Variants in RASA2 observed in about 807,000 individuals in gnomAD.
RASA2 encodes RAS p21 protein activator 2.
Under a neutral mutation model 118.2 loss-of-function variants are expected in RASA2, and 155 were observed. The ratio of observed to expected loss-of-function variants is 1.31; its 90% CI spans 1.15 to 1.50. RASA2 has a LOEUF of 1.50. Among genes scored for constraint, RASA2 ranks in the 40% most tolerant of loss-of-function variants. The probability of loss-of-function intolerance (pLI) is 0.00; values close to 1 mark genes in which losing one functional copy is unlikely to be tolerated. For synonymous variants in RASA2, 353 were observed against 349.1 expected (o/e 1.01, Z -0.12); for missense variants, 1,016 against 1,009.6 (o/e 1.01, Z -0.09).
chr3:141,496,208 A>G (rs2081699927), intron 1 of RASA2, among the ~76,000 whole-genome samples: 1 of 152,214 alleles, frequency 6.6e-6, no homozygotes, highest in Non-Finnish European at 1.5e-5. Context: ...CTAAAACCGT[A>G]AAAACCCTAG....
At chr3:141,552,595 A>C (rs565951733) in intron 5 of RASA2, among the ~76,000 whole-genome samples, 1 of 152,336 alleles carries the variant, frequency 6.6e-6, no homozygotes, top group African/African-American at 2.4e-5. Context: ...GAGAAGGGTA[A>C]GTTTTAAGCA....
intron 4 of RASA2, among the ~76,000 whole-genome samples, chr3:141,534,467 C>T (rs2082300761): frequency 6.6e-6 from 1 of 152,156 alleles, no homozygotes; most frequent in South Asian, 2.1e-4. Flanking sequence ...CTTGTCCAAG[C>T]AGTAAATCCA....
rs78545255 is a variant in RASA2, at chr3:141,542,796, T to C, written c.527+2187T>C. On this transcript the variant is annotated intron_variant, in intron 5 of 23. Transcript: ENST00000286364. ...TTTATAGTCATAACCACTCCTCTCT[T>C]CTAACCCTTGGCAACCTCTAATCTG... Among the ~76,000 whole-genome samples the C allele has an allele frequency of 1.2e-4, 19 of 152,278 alleles. No individual in the cohort carries two copies. In the East Asian group the frequency reaches 3.7e-3, roughly 29 times the overall value.
At chr3:141,553,164 G>C (rs1256268077) in intron 5 of RASA2, among the ~76,000 whole-genome samples, 1 of 152,140 alleles carries the variant, frequency 6.6e-6, no homozygotes, top group African/African-American at 2.4e-5. Flanking sequence ...TTATGAATCA[G>C]ATTTTTAAGT....
intron 9 of RASA2, among the ~76,000 whole-genome samples, chr3:141,570,296 A>G (rs1436279221): frequency 6.6e-6 from 1 of 151,438 alleles, no homozygotes; most frequent in East Asian, 1.9e-4. Flanking sequence ...ATCTCAGCTC[A>G]CTGCAACTCC....
chr3:141,571,630 G>A, intron 11 of RASA2, 76 bp downstream of exon 11: 1 of 1,444,338 alleles, frequency 6.9e-7, no homozygotes, highest in East Asian at 2.4e-5. Context: ...TGATTTTGTA[G>A]TCTGAATTTT....
intron 22 of RASA2, 130 bp from the exon 23 acceptor site, chr3:141,609,747 T>G (rs1020698037): frequency 7.0e-6 from 6 of 858,636 alleles, no homozygotes; most frequent in Non-Finnish European, 8.6e-6. Context: ...TGTATATATT[T>G]TAGTTATCTC....
chr3:141,599,042 C>T (rs776786020), intron 19 of RASA2, among the ~76,000 whole-genome samples: 19 of 152,102 alleles, frequency 1.2e-4, no homozygotes, highest in Middle Eastern at 3.4e-3. Flanking sequence ...GAGCCGAGAT[C>T]GCGCCACTGC....
At chr3:141,570,306 C>T (rs1005916480) in intron 9 of RASA2, among the ~76,000 whole-genome samples, 4 of 151,918 alleles carry the variant, frequency 2.6e-5, no homozygotes, top group African/African-American at 7.3e-5. Context: ...ACTGCAACTC[C>T]GCCTCCTGAG....
rs771121510 is a variant in RASA2 at position 141,487,133 on chromosome 3, C to A, written c.50C>A (p.Ala17Glu). 2.1e-6 allele frequency: 3 copies of A among 1,445,202 alleles called. No homozygotes were observed. In the South Asian group the frequency reaches 4.0e-5, roughly 19 times the overall value. The allele number at this position is 1,445,202 out of a possible 1,614,324, so 89.5% of individuals were successfully genotyped here. Reference protein sequence around the residue: ...AAAAASSEAPAASATAEPEAG... With the variant: ...AAAAASSEAPEASATAEPEAG... ...GCGGCGGCTTCTTCCGAGGCGCCAG[C>A]GGCGAGTGCGACTGCAGAGCCCGAG... The change falls in exon 1 of 24, where the codon GCG becomes GAG. Residue 17 changes from alanine to glutamate, a missense_variant. Around this residue, in one of 2 missense-constraint regions of RASA2, gnomAD observed 896 missense variants for 836.4 expected, o/e 1.07. Coordinates refer to ENST00000286364, the MANE Select transcript of RASA2 (RefSeq NM_006506.5).
chr3:141,582,734 G>T (rs756325895), intron 17 of RASA2, among the ~76,000 whole-genome samples: 3 of 152,150 alleles, frequency 2.0e-5, no homozygotes, highest in Non-Finnish European at 4.4e-5. Flanking sequence ...TTATTTAGTA[G>T]TTACAACAAG....
At chr3:141,535,477 A>G (rs2082314527) in intron 4 of RASA2, among the ~76,000 whole-genome samples, 1 of 152,224 alleles carries the variant, frequency 6.6e-6, no homozygotes, top group Non-Finnish European at 1.5e-5. Flanking sequence ...AAGTGCATGT[A>G]TTATGTTTTG....
intron 5 of RASA2, among the ~76,000 whole-genome samples, chr3:141,552,720 T>C (rs540212288): frequency 2.0e-5 from 3 of 152,298 alleles, no homozygotes; most frequent in Admixed American, 6.5e-5. Flanking sequence ...TTTTTTATGC[T>C]CAGCTATAAT....
At chr3:141,511,129 GGGA>G (rs1473569001) in intron 1 of RASA2, among the ~76,000 whole-genome samples, 1 of 152,112 alleles carries the variant, frequency 6.6e-6, no homozygotes, top group African/African-American at 2.4e-5. Context: ...GACTGGGTAT[GGGA>G]GTTTGGGGAA....
chr3:141,488,279 T>A lies in RASA2; in HGVS notation c.133+1063T>A, dbSNP rs149669751. Reference sequence around the variant, plus strand: ...TCGAAAATTAGCATTATTTTCTTCATGCAGTATTCTCAGATTGGAAACATG... The same window carrying A: ...TCGAAAATTAGCATTATTTTCTTCAAGCAGTATTCTCAGATTGGAAACATG... On this transcript the variant is annotated intron_variant, in intron 1 of 23. Transcript: ENST00000286364. Among the ~76,000 whole-genome samples the A allele has an allele frequency of 3.7e-4, 57 of 152,346 alleles. No individual in the cohort carries two copies. In the Middle Eastern group the frequency reaches 0.01, roughly 27 times the overall value.
Position 141,487,173 on chromosome 3 carries a change from C to T in RASA2, c.90C>T (p.Asp30=), listed in dbSNP as rs762512162. 30 of 1,467,940 alleles carry T rather than the reference C, an allele frequency of 2.0e-5. No individual in the cohort carries two copies. The highest frequency in any genetic ancestry group is 2.4e-5 in the Non-Finnish European group (26 of 1,101,006). 90.9% of individuals were successfully genotyped at this position (1,467,940 alleles called of 1,614,324 possible). The part of the protein sequence containing the change: ...ATAEPEAGDQ[D]SREVRVLQSL... ...CAGAGCCCGAGGCCGGGGACCAGGACAGTCGCGAGGTTCGAGTGTTGCAGA... is the reference window on the plus strand; with the variant it reads ...CAGAGCCCGAGGCCGGGGACCAGGATAGTCGCGAGGTTCGAGTGTTGCAGA... Residue 30 remains aspartate (D), a synonymous_variant, in exon 1 of 24, where the codon GAC becomes GAT. Coordinates refer to ENST00000286364, the MANE Select transcript of RASA2 (RefSeq NM_006506.5).
chr3:141,490,780 A>G (rs2081631021), intron 1 of RASA2, among the ~76,000 whole-genome samples: 1 of 152,136 alleles, frequency 6.6e-6, no homozygotes, highest in African/African-American at 2.4e-5. Flanking sequence ...TTGAATCTTC[A>G]CCTAATTTCC....
rs1403907619 is a variant in RASA2, at chr3:141,540,517, CTTT to C, written c.451-13_451-11del. ...TAAAATAGACTACTCAGTTTGTAATCTTTTTGTCATTATAGGGTAAAGTTCACC... is the reference window on the plus strand; with the variant it reads ...TAAAATAGACTACTCAGTTTGTAATCTTGTCATTATAGGGTAAAGTTCACC... On this transcript the variant is annotated splice_polypyrimidine_tract_variant and intron_variant, in intron 4 of 23. Coordinates refer to ENST00000286364, the MANE Select transcript of RASA2 (RefSeq NM_006506.5). 1 of 1,592,486 alleles carries C rather than the reference CTTT, an allele frequency of 6.3e-7. No homozygotes were observed. The highest frequency in any genetic ancestry group is 8.6e-7 in the Non-Finnish European group (1 of 1,162,104).
At chr3:141,607,515 C>A in intron 19 of RASA2, 163 bp from the exon 20 acceptor site, 2 of 634,994 alleles carry the variant, frequency 3.1e-6, no homozygotes, top group Non-Finnish European at 4.6e-6. Flanking sequence ...TTCATCTGTT[C>A]CATGAAACAA....
Sources: gnomAD v4.1 joint callset for allele counts (sites outside exome capture counted in the v4.1 genomes callset) on GRCh38, gnomAD v4.1.1 for gene constraint, gnomAD v4.1.1 regional missense constraint, MANE v1.5 for transcripts, NCBI Gene and HGNC (gene_info 2026-07-23, HGNC 2026-07-21) for gene names.